The following ABCA10 variants were observed in gnomAD, a reference collection of about 807,000 sequenced individuals.
The protein encoded by ABCA10 is ATP-binding cassette sub-family A member 10.
Under a neutral mutation model 187.5 loss-of-function variants are expected in ABCA10, and 169 were observed. The ratio of observed to expected loss-of-function variants is 0.90; its 90% CI spans 0.80 to 1.02. ABCA10 has a LOEUF of 1.02. Ranked by LOEUF, ABCA10 falls within the 50% of genes least tolerant of loss-of-function variation. ABCA10 has a pLI of 0.00. For missense variants in ABCA10, 1,727 were observed against 1,812.4 expected, an observed-to-expected ratio of 0.95 and a Z score of 0.86; for synonymous variants, 574 against 601.8, an observed-to-expected ratio of 0.95 and a Z score of 0.68.
intron 27 of ABCA10, among the ~76,000 whole-genome samples, chr17:69,161,716 A>C (rs546843702): frequency 6.6e-6 from 1 of 152,240 alleles, no homozygotes; most frequent in Non-Finnish European, 1.5e-5. Flanking sequence ...GGGTACATTC[A>C]TTTGAAAATA....
At chr17:69,217,560 A>G (rs2144842008) in intron 6 of ABCA10, among the ~76,000 whole-genome samples, 1 of 152,350 alleles carries the variant, frequency 6.6e-6, no homozygotes, top group African/African-American at 2.4e-5. Context: ...CATCCATGCC[A>G]TGGAATAGTA....
chr17:69,199,447 T>C (rs2074528271), intron 10 of ABCA10, among the ~76,000 whole-genome samples: 1 of 152,194 alleles, frequency 6.6e-6, no homozygotes, highest in Admixed American at 6.5e-5. Context: ...GAGTTCCTGG[T>C]TTCAGGCATG....
At chr17:69,243,724 C>G (rs929591992) in intron 1 of ABCA10, among the ~76,000 whole-genome samples, 1 of 152,044 alleles carries the variant, frequency 6.6e-6, no homozygotes, top group African/African-American at 2.4e-5. Flanking sequence ...ATGGCAAAAC[C>G]CCATCTCTAC....
chr17:69,183,726 C>G (rs1366520179), intron 20 of ABCA10, among the ~76,000 whole-genome samples: 1 of 152,008 alleles, frequency 6.6e-6, no homozygotes, highest in African/African-American at 2.4e-5. Flanking sequence ...CCCAGGGAAG[C>G]CATTTTTGAC....
chr17:69,232,386 A>G (rs1260084748), upstream of ABCA10, among the ~76,000 whole-genome samples: 1 of 151,852 alleles, frequency 6.6e-6, no homozygotes, highest in African/African-American at 2.4e-5. Flanking sequence ...TGTATTTTTA[A>G]TATATCTATT....
chr17:69,224,493 C>A (rs1162381721), intron 3 of ABCA10, among the ~76,000 whole-genome samples: 1 of 151,942 alleles, frequency 6.6e-6, no homozygotes, highest in Admixed American at 6.6e-5. Flanking sequence ...GTCCAGAGAC[C>A]ACAGCTGACC....
At chr17:69,212,287 T>C (rs1197310571) in intron 9 of ABCA10, among the ~76,000 whole-genome samples, 1 of 152,224 alleles carries the variant, frequency 6.6e-6, no homozygotes, top group African/African-American at 2.4e-5. Flanking sequence ...TGCATGGTTC[T>C]GAGGGCTCCT....
At chr17:69,219,353 C>G (rs531260898) in intron 6 of ABCA10, among the ~76,000 whole-genome samples, 192 bp downstream of exon 6, 2 of 152,218 alleles carry the variant, frequency 1.3e-5, no homozygotes, top group African/African-American at 4.8e-5. Context: ...ACATATTTTT[C>G]TTCAACTCAG....
chr17:69,204,113 C>T (rs776922709), intron 9 of ABCA10, among the ~76,000 whole-genome samples: 6 of 152,156 alleles, frequency 3.9e-5, no homozygotes, highest in Admixed American at 1.3e-4. Context: ...GCCTCAGAAT[C>T]TCAGGGATCT....
chr17:69,243,984 G>A (rs1163305926), intron 1 of ABCA10, among the ~76,000 whole-genome samples: 2 of 152,192 alleles, frequency 1.3e-5, no homozygotes. Flanking sequence ...TGCAAGAGTT[G>A]TTTAGGCACT....
At chr17:69,162,224 A>T (rs1041808866) in intron 27 of ABCA10, among the ~76,000 whole-genome samples, 4 of 152,214 alleles carry the variant, frequency 2.6e-5, no homozygotes, top group Admixed American at 2.0e-4. Flanking sequence ...TTTTTTGAAT[A>T]ACTGTTTACA....
At chr17:69,182,367 G>T in intron 21 of ABCA10, 77 bp from the exon 22 acceptor site, 1 of 1,174,376 alleles carries the variant, frequency 8.5e-7, no homozygotes. Flanking sequence ...TATATTACCA[G>T]AGTGGAATTA....
chr17:69,222,439 T>A (rs1598125234), intron 4 of ABCA10, 94 bp downstream of exon 4: 2 of 1,034,040 alleles, frequency 1.9e-6, no homozygotes, highest in East Asian at 5.5e-5. Context: ...TATTAATTCT[T>A]TACTTGGTTG....
At chr17:69,178,472 T>C (rs190476404) in intron 22 of ABCA10, among the ~76,000 whole-genome samples, 202 of 152,224 alleles carry the variant, frequency 1.3e-3, no homozygotes, top group Admixed American at 2.5e-3. Flanking sequence ...ATCTACTAAA[T>C]CAGAATCTCT....
intron 9 of ABCA10, among the ~76,000 whole-genome samples, chr17:69,210,185 T>C (rs1318051874): frequency 1.7e-5 from 2 of 120,104 alleles, no homozygotes; most frequent in Non-Finnish European, 3.4e-5. Flanking sequence ...TTTTTTTTTT[T>C]TTTTTTTTTT....
chr17:69,158,090 T>C (rs1013742127), intron 27 of ABCA10, among the ~76,000 whole-genome samples: 3 of 151,884 alleles, frequency 2.0e-5, no homozygotes, highest in Non-Finnish European at 4.4e-5. Flanking sequence ...AACTCAGGAA[T>C]TGAGGGATTT....
intron 22 of ABCA10, among the ~76,000 whole-genome samples, chr17:69,180,902 T>A (rs2074375393): frequency 6.6e-6 from 1 of 152,156 alleles, no homozygotes; most frequent in African/African-American, 2.4e-5. Context: ...CCCTTTTTTA[T>A]CTATCATAAT....
intron 36 of ABCA10, chr17:69,150,292 T>G: frequency 2.4e-6 from 1 of 410,462 alleles, no homozygotes. Flanking sequence ...GAAATAGCTC[T>G]GATTAAGAAT....
intron 10 of ABCA10, among the ~76,000 whole-genome samples, chr17:69,198,653 T>C (rs1020207940): frequency 1.3e-5 from 2 of 152,216 alleles, no homozygotes; most frequent in Non-Finnish European, 2.9e-5. Context: ...TTCCTGACTT[T>C]CTGGTTGTAA....
Sources: allele counts gnomAD v4.1 joint callset (sites outside exome capture counted in the v4.1 genomes callset), GRCh38; gene constraint gnomAD v4.1.1; transcripts MANE v1.5; gene names NCBI Gene and HGNC (gene_info 2026-07-23, HGNC 2026-07-21).